The following HLCS variants were observed in gnomAD, a reference collection of about 807,000 sequenced individuals.
The protein encoded by HLCS is holocarboxylase synthetase.
A neutral mutation model predicts 75.0 loss-of-function variants in HLCS; 53 were observed. The ratio of observed to expected loss-of-function variants is 0.71; its 90% CI spans 0.57 to 0.89. HLCS has a LOEUF of 0.89. HLCS is among the 40% of genes least tolerant of loss of function. HLCS has a pLI of 0.00. For synonymous variants in HLCS, 431 were observed against 428.6 expected (o/e 1.01, Z -0.07); for missense variants, 966 against 1,074.0 (o/e 0.90, Z 1.41).
At chr21:36,977,823 C>T (rs1466721145) in intron 1 of HLCS, among the ~76,000 whole-genome samples, 3 of 152,196 alleles carry the variant, frequency 2.0e-5, no homozygotes, top group South Asian at 2.1e-4. Flanking sequence ...TGTGGGTGGG[C>T]GGGTTCACAG....
intron 6 of HLCS, among the ~76,000 whole-genome samples, chr21:36,803,413 T>G (rs1018268393): frequency 6.6e-6 from 1 of 152,240 alleles, no homozygotes; most frequent in Non-Finnish European, 1.5e-5. Flanking sequence ...AAACAAGGTG[T>G]TGTATGCAGT....
intron 6 of HLCS, among the ~76,000 whole-genome samples, chr21:36,849,435 T>G (rs1047212852): frequency 3.3e-5 from 5 of 152,226 alleles, no homozygotes; most frequent in Admixed American, 3.3e-4. Flanking sequence ...AAAGAATGAC[T>G]CTGGCAGCTT....
intron 6 of HLCS, among the ~76,000 whole-genome samples, chr21:36,866,438 G>A (rs554402937): frequency 5.3e-5 from 8 of 152,280 alleles, no homozygotes; most frequent in Non-Finnish European, 8.8e-5. Flanking sequence ...ACAATGTGGC[G>A]TAAAAGACTG....
intron 6 of HLCS, among the ~76,000 whole-genome samples, chr21:36,824,935 T>C (rs1343412821): frequency 6.6e-6 from 1 of 152,232 alleles, no homozygotes. Context: ...GTCATTGGCA[T>C]GCTTATGGTC....
At chr21:36,897,455 C>T (rs1254227292) in intron 5 of HLCS, among the ~76,000 whole-genome samples, 2 of 152,190 alleles carry the variant, frequency 1.3e-5, no homozygotes, top group Non-Finnish European at 2.9e-5. Context: ...AAGTAGTTCT[C>T]CAGTCCTCCG....
upstream of HLCS, among the ~76,000 whole-genome samples, chr21:36,967,564 T>C (rs181160460): frequency 7.9e-5 from 12 of 152,328 alleles, no homozygotes; most frequent in Admixed American, 1.3e-4. Flanking sequence ...CTCATTTCTT[T>C]AAAAGGCATT....
chr21:36,895,735 T>A (rs1328636438), intron 6 of HLCS, among the ~76,000 whole-genome samples: 3 of 152,196 alleles, frequency 2.0e-5, no homozygotes, highest in Non-Finnish European at 2.9e-5. Flanking sequence ...TTCCCATACA[T>A]TGAATTATAC....
intron 6 of HLCS, among the ~76,000 whole-genome samples, chr21:36,871,043 G>A (rs750662917): frequency 3.3e-5 from 5 of 152,030 alleles, no homozygotes; most frequent in Admixed American, 6.6e-5. Flanking sequence ...TTTTTAACAC[G>A]AGGTAGAACA....
At chr21:36,837,858 T>TA (rs1332389415) in intron 6 of HLCS, among the ~76,000 whole-genome samples, 1 of 152,148 alleles carries the variant, frequency 6.6e-6, no homozygotes, top group Non-Finnish European at 1.5e-5. Context: ...ACCAAGTTCT[T>TA]ACAGCGGAGA....
Position 36,942,019 on chromosome 21 carries a change from C to T in HLCS, c.331-3025G>A, listed in dbSNP as rs1234440107. On this transcript the variant is annotated intron_variant, in intron 2 of 10. Coordinates refer to ENST00000674895, the MANE Select transcript of HLCS (RefSeq NM_001352514.2). ...CGAAACTGTCTCAAAAAAAAAAATA[C>T]AAAATTTAGCTAGGTGGGAGCAGGC... 4.7e-5 allele frequency among the ~76,000 whole-genome samples: 7 copies of T among 148,962 alleles called. No individual in the cohort carries two copies. The East Asian group carries it at 1.4e-3, about 30-fold the overall frequency.
At chr21:36,776,374 A>C (rs1182163745) in intron 6 of HLCS, among the ~76,000 whole-genome samples, 2 of 151,818 alleles carry the variant, frequency 1.3e-5, no homozygotes, top group Non-Finnish European at 2.9e-5. Flanking sequence ...TGATTATAGT[A>C]CAATCACGGA....
At chr21:36,910,559 A>AG (rs35996984) in intron 5 of HLCS, among the ~76,000 whole-genome samples, 1 of 151,088 alleles carries the variant, frequency 6.6e-6, no homozygotes, top group Non-Finnish European at 1.5e-5. Flanking sequence ...AAAAAAAAAA[A>AG]TGGCGCTCCT....
chr21:36,928,639 C>A (rs1342290176), intron 5 of HLCS, among the ~76,000 whole-genome samples: 1 of 152,094 alleles, frequency 6.6e-6, no homozygotes, highest in East Asian at 1.9e-4. Flanking sequence ...ATTCCTTGGG[C>A]TCCCAAAGTA....
intron 6 of HLCS, among the ~76,000 whole-genome samples, chr21:36,886,507 G>C (rs1466020716): frequency 6.6e-6 from 1 of 151,964 alleles, no homozygotes; most frequent in Non-Finnish European, 1.5e-5. Flanking sequence ...GCCATGGCTG[G>C]GCAGCTTGCC....
At chr21:36,881,736 G>A (rs2064225141) in intron 6 of HLCS, among the ~76,000 whole-genome samples, 1 of 152,196 alleles carries the variant, frequency 6.6e-6, no homozygotes, top group South Asian at 2.1e-4. Context: ...GTCCGTGTTG[G>A]AAGGACACTT....
chr21:36,864,065 A>G (rs553864549), intron 6 of HLCS, among the ~76,000 whole-genome samples: 1 of 152,344 alleles, frequency 6.6e-6, no homozygotes, highest in East Asian at 1.9e-4. Flanking sequence ...TGTTCAAAGG[A>G]ATCAAATTAT....
At chr21:36,756,920 C>T in intron 9 of HLCS, 165 bp from the exon 10 acceptor site, 2 of 985,360 alleles carry the variant, frequency 2.0e-6, no homozygotes, top group Non-Finnish European at 2.4e-6. Flanking sequence ...GTATTTCTGT[C>T]CATCTTCCTT....
At chr21:36,900,276 A>T (rs569017060) in intron 5 of HLCS, among the ~76,000 whole-genome samples, 2 of 152,358 alleles carry the variant, frequency 1.3e-5, no homozygotes, top group East Asian at 3.9e-4. Flanking sequence ...GGCAACGCTT[A>T]AGGAAAGGCC....
At chr21:36,907,671 G>A (rs979283630) in intron 5 of HLCS, among the ~76,000 whole-genome samples, 1 of 151,930 alleles carries the variant, frequency 6.6e-6, no homozygotes, top group Non-Finnish European at 1.5e-5. Context: ...GAGAGAGAAA[G>A]GGAAAGAGAG....
Sources: gnomAD v4.1 joint callset for allele counts (sites outside exome capture counted in the v4.1 genomes callset) on GRCh38, gnomAD v4.1.1 for gene constraint, MANE v1.5 for transcripts, NCBI Gene and HGNC (gene_info 2026-07-23, HGNC 2026-07-21) for gene names.